Variants in CHL1 observed in about 807,000 individuals in gnomAD.
The protein encoded by CHL1 is neural cell adhesion molecule L1-like protein.
A neutral mutation model predicts 141.9 loss-of-function variants in CHL1; 96 were observed. The observed-to-expected ratio is 0.68, with a 90% CI of 0.57 to 0.80. CHL1 has a LOEUF of 0.80. CHL1 is among the 30% of genes least tolerant of loss of function. The pLI is 0.00. For missense variants in CHL1, 1,820 were observed against 1,457.2 expected, an observed-to-expected ratio of 1.25 and a Z score of -4.05; for synonymous variants, 613 against 502.2, an observed-to-expected ratio of 1.22 and a Z score of -2.95.
chr3:201,382 G>A (rs73814165), intron 1 of CHL1, among the ~76,000 whole-genome samples: 8,100 of 152,208 alleles, frequency 0.053, 252 homozygotes, highest in Middle Eastern at 0.11. Flanking sequence ...GACATATTCC[G>A]TTTTCAATTT....
intron 1 of CHL1, among the ~76,000 whole-genome samples, chr3:199,131 C>T (rs1018662550): frequency 6.6e-6 from 1 of 152,190 alleles, no homozygotes; most frequent in African/African-American, 2.4e-5. Flanking sequence ...CCTATGTATA[C>T]CCTGGCTTTC....
chr3:367,888 G>T (rs1313783001), intron 15 of CHL1, among the ~76,000 whole-genome samples: 1 of 151,944 alleles, frequency 6.6e-6, no homozygotes, highest in African/African-American at 2.4e-5. Context: ...GATGATGATG[G>T]CTTCCAGCTT....
chr3:330,806 G>A (rs911927127), intron 5 of CHL1, among the ~76,000 whole-genome samples: 1 of 152,140 alleles, frequency 6.6e-6, no homozygotes, highest in Non-Finnish European at 1.5e-5. Flanking sequence ...GGGGATTCTT[G>A]TTTTCAGAAA....
At chr3:335,037 G>A (rs1278432539) in intron 5 of CHL1, among the ~76,000 whole-genome samples, 1 of 152,158 alleles carries the variant, frequency 6.6e-6, no homozygotes, top group African/African-American at 2.4e-5. Context: ...ATAATTTAAT[G>A]AAAACTAATT....
rs115923993 is a variant in CHL1 at position 357,933 on chromosome 3, G to T, written c.1166-2351G>T. Reference sequence around the variant, plus strand: ...AGTGGGGTGTGGAAGTGAAGAGTGGGATTAGAGACTCAGTGCTTTGCAGCA... The same window carrying T: ...AGTGGGGTGTGGAAGTGAAGAGTGGTATTAGAGACTCAGTGCTTTGCAGCA... On this transcript the variant is annotated intron_variant, in intron 11 of 27. Coordinates refer to ENST00000256509, the MANE Select transcript of CHL1 (RefSeq NM_006614.4). Among the ~76,000 whole-genome samples the T allele has an allele frequency of 7.8e-3, 1,190 of 152,314 alleles. 13 individuals are homozygous for T. Among genetic ancestry groups the T allele is most frequent in the African/African-American group, 0.028 (1,159 of 41,562 alleles).
chr3:342,118 C>G, intron 7 of CHL1, 36 bp downstream of exon 7: 1 of 1,541,240 alleles, frequency 6.5e-7, no homozygotes, highest in South Asian at 1.2e-5. Flanking sequence ...ATCATGTATG[C>G]TGAATGCAAA....
intron 1 of CHL1, among the ~76,000 whole-genome samples, chr3:242,098 A>G (rs955455254): frequency 6.6e-6 from 1 of 152,196 alleles, no homozygotes; most frequent in African/African-American, 2.4e-5. Context: ...AGACACTAGT[A>G]TGCTAAAATT....
chr3:343,639 G>A (rs1368885860), intron 8 of CHL1, among the ~76,000 whole-genome samples: 1 of 152,162 alleles, frequency 6.6e-6, no homozygotes, highest in Non-Finnish European at 1.5e-5. Flanking sequence ...AATGAGAAGA[G>A]TCAGTTACAT....
intron 2 of CHL1, among the ~76,000 whole-genome samples, chr3:316,516 A>G (rs1054286262): frequency 6.6e-6 from 1 of 151,942 alleles, no homozygotes; most frequent in African/African-American, 2.4e-5. Flanking sequence ...ATTAAAATTT[A>G]ACCCAGTTTA....
chr3:289,056 A>G (rs898825848), intron 2 of CHL1, among the ~76,000 whole-genome samples: 3 of 152,186 alleles, frequency 2.0e-5, no homozygotes, highest in African/African-American at 7.2e-5. Flanking sequence ...GTGATCAAGG[A>G]GAAAATGTGT....
chr3:363,255 G>A lies in CHL1; in HGVS notation c.1457G>A (p.Arg486Gln), dbSNP rs185238679. Residue 486 changes from arginine (R) to glutamine (Q), a missense_variant, in exon 14 of 28, where the codon CGG becomes CAG. Physicochemically the swap from Arg to Gln is conservative, Grantham distance 43 (BLOSUM62 1). Transcript: ENST00000256509. ...VEEVKPLEGR[R>Q]YHIYENGTLQ... The stretch of plus-strand genomic sequence containing the variant: ...GAAGTGAAACCCCTGGAGGGCAGGC[G>A]GTATCATATCTATGAAAATGGCACA... The A allele has an allele frequency of 2.1e-5, 34 of 1,613,324 alleles. No individual in the cohort carries two copies. The highest frequency in any genetic ancestry group is 2.3e-5 in the Non-Finnish European group (27 of 1,179,594).
chr3:368,021 A>C (rs1428505413), intron 15 of CHL1, among the ~76,000 whole-genome samples: 1 of 152,062 alleles, frequency 6.6e-6, no homozygotes, highest in East Asian at 1.9e-4. Flanking sequence ...TATCGGTTTC[A>C]TGTCTTTACT....
At chr3:311,714 A>C (rs566348594) in intron 2 of CHL1, among the ~76,000 whole-genome samples, 1 of 152,346 alleles carries the variant, frequency 6.6e-6, no homozygotes, top group African/African-American at 2.4e-5. Flanking sequence ...AAAGTCCTTA[A>C]GAAATGTGAA....
At chr3:361,243 C>T (rs867600879) in intron 12 of CHL1, among the ~76,000 whole-genome samples, 53 of 150,308 alleles carry the variant, frequency 3.5e-4, no homozygotes, top group Middle Eastern at 3.4e-3. Flanking sequence ...AAGACTTAAA[C>T]GTTAGACCTA....
intron 2 of CHL1, among the ~76,000 whole-genome samples, chr3:284,023 C>G (rs1040399249): frequency 6.6e-6 from 1 of 152,198 alleles, no homozygotes; most frequent in African/African-American, 2.4e-5. Context: ...ATTTATTATT[C>G]AACAAACACT....
chr3:199,587 G>A (rs1698735909), intron 1 of CHL1, among the ~76,000 whole-genome samples: 1 of 151,982 alleles, frequency 6.6e-6, no homozygotes, highest in African/African-American at 2.4e-5. Context: ...TACATGAATT[G>A]GTTTTAAATA....
chr3:370,744 G>C (rs1374472833), intron 15 of CHL1, among the ~76,000 whole-genome samples: 1 of 152,152 alleles, frequency 6.6e-6, no homozygotes, highest in Non-Finnish European at 1.5e-5. Context: ...TGGGCATTTA[G>C]TGCTATAAAT....
In CHL1 at chr3:366,134, T is replaced by C; in HGVS notation, c.1751+19T>C. On this transcript the variant is annotated intron_variant, in intron 15 of 27. Transcript: ENST00000256509. ...ATGGCAGGTAGGTAAACTATTATGA[T>C]ATGTCATAATATTTGCTTGGGGTAA... 8 of 1,596,308 alleles carry C rather than the reference T, an allele frequency of 5.0e-6. No homozygotes were observed. Among genetic ancestry groups the C allele is most frequent in the Non-Finnish European group, 6.0e-6 (7 of 1,168,736 alleles).
intron 2 of CHL1, among the ~76,000 whole-genome samples, chr3:263,548 A>G (rs1205247062): frequency 2.0e-5 from 3 of 152,250 alleles, no homozygotes; most frequent in African/African-American, 4.8e-5. Context: ...ATAAGACATC[A>G]TAAAATATCC....
Sources: gnomAD v4.1 joint callset for allele counts (sites outside exome capture counted in the v4.1 genomes callset) on GRCh38, gnomAD v4.1.1 for gene constraint, MANE v1.5 for transcripts, NCBI Gene and HGNC (gene_info 2026-07-23, HGNC 2026-07-21) for gene names.